Variants in EIF2D observed in about 807,000 individuals in gnomAD.
EIF2D encodes the protein hepatocellular carcinoma-associated antigen 56.
EIF2D carries 56 observed loss-of-function variants against 77.4 expected under a neutral mutation model. The ratio of observed to expected loss-of-function variants is 0.72; its 90% CI spans 0.58 to 0.90. The LOEUF (loss-of-function observed/expected upper bound fraction) is 0.90. Ranked by LOEUF, EIF2D falls within the 40% of genes least tolerant of loss-of-function variation. EIF2D has a pLI of 0.00. For synonymous variants in EIF2D, 230 were observed against 271.0 expected (o/e 0.85, Z 1.49); for missense variants, 574 against 706.5 (o/e 0.81, Z 2.13).
intron 6 of EIF2D, 151 bp from the exon 7 acceptor site, chr1:206,602,604 C>G (rs782356671): frequency 1.4e-6 from 1 of 711,216 alleles, no homozygotes; most frequent in African/African-American, 1.8e-5. Flanking sequence ...CTCTTGAGCA[C>G]TGAGCCTTTA....
chr1:206,609,630 G>GA (rs1670373606), intron 2 of EIF2D, among the ~76,000 whole-genome samples, 171 bp from the exon 3 acceptor site: 2 of 152,166 alleles, frequency 1.3e-5, no homozygotes, highest in Admixed American at 6.5e-5. Context: ...TTTGAGGAAG[G>GA]AAAAAACCTA....
chr1:206,583,621 T>G (rs1319048487), intron 2 of EIF2D: 2 of 488,408 alleles, frequency 4.1e-6, no homozygotes, highest in African/African-American at 3.9e-5. Flanking sequence ...CTCTTTTAAC[T>G]CCTCCTCTGA....
chr1:206,587,049 C>T (rs782152765), downstream of EIF2D: 5 of 1,556,800 alleles, frequency 3.2e-6, no homozygotes, highest in African/African-American at 5.5e-5. Context: ...TTGCAACAGA[C>T]ACTTTTTCTC....
chr1:206,593,502 A>AGTGTGTGTGTGT (rs1433622439), intron 14 of EIF2D, 117 bp downstream of exon 14: 3 of 428,076 alleles, frequency 7.0e-6, no homozygotes, highest in African/African-American at 8.4e-5. Flanking sequence ...AGAGAGAGAG[A>AGTGTGTGTGTGT]GAGAGAGTGT....
At chr1:206,608,425 C>T (rs1487854277) in intron 3 of EIF2D, 99 bp from the exon 4 acceptor site, 2 of 924,232 alleles carry the variant, frequency 2.2e-6, no homozygotes, top group African/African-American at 1.7e-5. Context: ...AAAATAGTTA[C>T]TAGGTATCAA....
rs534778869 is a variant in EIF2D, at chr1:206,584,838, C to T, written c.139-3676G>A. ...ATGTGGTGTTCAGATCTGTGGAATC[C>T]GGGCAGGGAGGCAAGAGCAGAGTCC... On this transcript the variant is annotated intron_variant and NMD_transcript_variant, in intron 2 of 5. Coordinates refer to the EIF2D transcript ENST00000472709. This position sits in a 1 kb window ranked among gnomAD's most constrained non-coding sequence, Gnocchi z 4.9. The T allele has an allele frequency of 2.0e-4, 160 of 794,998 alleles. 1 individual carries two copies. In the South Asian group the frequency reaches 2.4e-3, roughly 12 times the overall value. The allele number at this position is 794,998 out of a possible 1,614,324, so 49.2% of individuals were successfully genotyped here.
At chr1:206,580,539 T>C (rs1241402126) in intron 4 of EIF2D, among the ~76,000 whole-genome samples, 2 of 152,120 alleles carry the variant, frequency 1.3e-5, no homozygotes, top group Non-Finnish European at 2.9e-5. Flanking sequence ...CATAGACATG[T>C]GCTCAGCTGG....
chr1:206,602,286 C>T, intron 7 of EIF2D, 50 bp downstream of exon 7: 3 of 1,476,138 alleles, frequency 2.0e-6, no homozygotes, highest in Non-Finnish European at 9.5e-7. Context: ...CCAAGGAGCA[C>T]ACGTGAGACC....
intron 4 of EIF2D, among the ~76,000 whole-genome samples, chr1:206,575,770 G>C (rs1422938070): frequency 1.3e-5 from 2 of 152,226 alleles, no homozygotes; most frequent in African/African-American, 4.8e-5. Context: ...GGCCCTGAGA[G>C]GGGAAGTAGC....
At chr1:206,605,363 C>T (rs782548934) in intron 5 of EIF2D, 37 bp downstream of exon 5, 85 of 1,571,306 alleles carry the variant, frequency 5.4e-5, no homozygotes, top group Non-Finnish European at 7.2e-5. Context: ...CCCAGCTGCC[C>T]CGGTTCTCTG....
At chr1:206,582,475 G>T (rs572936591) in intron 2 of EIF2D, among the ~76,000 whole-genome samples, 1 of 152,170 alleles carries the variant, frequency 6.6e-6, no homozygotes, top group Non-Finnish European at 1.5e-5. Flanking sequence ...GTAAGATGGG[G>T]TAATAAACTA....
intron 13 of EIF2D, 182 bp from the exon 14 acceptor site, chr1:206,593,975 T>C (rs2102276367): frequency 1.9e-6 from 1 of 514,306 alleles, no homozygotes; most frequent in Non-Finnish European, 3.4e-6. Flanking sequence ...TGATTCTGTC[T>C]ACCCCATCCA....
At position 206,599,116 on chromosome 1, in the gene EIF2D, G is replaced by C. The variant is rs1553410755; in HGVS notation, c.1203-24C>G. On this transcript the variant is annotated intron_variant, in intron 10 of 14. Coordinates refer to ENST00000271764, the MANE Select transcript of EIF2D (RefSeq NM_006893.3). The surrounding 1 kb of genome is among the most constrained non-coding windows in gnomAD (Gnocchi z 4.1). Reference sequence around the variant, plus strand: ...TCCTAGGTGAGGAGAAGTGACCCAGGGGTTAGTTCATGCTGTGCCATGAGA... The same window carrying C: ...TCCTAGGTGAGGAGAAGTGACCCAGCGGTTAGTTCATGCTGTGCCATGAGA... The C allele has an allele frequency of 6.2e-7, 1 of 1,610,776 alleles. No homozygotes were observed. Among genetic ancestry groups the C allele is most frequent in the Non-Finnish European group, 8.5e-7 (1 of 1,177,282 alleles).
chr1:206,587,231 C>G (rs782667984), downstream of EIF2D: 47 of 442,562 alleles, frequency 1.1e-4, no homozygotes, highest in Admixed American at 5.9e-4. Context: ...AGCTGACGTC[C>G]TCTCTCGATC....
chr1:206,581,920 C>T (rs187858838), intron 2 of EIF2D, among the ~76,000 whole-genome samples: 1,799 of 152,042 alleles, frequency 0.012, 42 homozygotes, highest in African/African-American at 0.041. Flanking sequence ...GGTGATGTGA[C>T]GTCGCGGCAG....
intron 2 of EIF2D, among the ~76,000 whole-genome samples, chr1:206,610,292 G>A (rs1157130528): frequency 2.6e-5 from 4 of 152,230 alleles, no homozygotes; most frequent in African/African-American, 9.6e-5. Context: ...ACTGAGGCAG[G>A]AAAATCACTT....
chr1:206,593,513 GT>G (rs2102275202), intron 14 of EIF2D, 105 bp downstream of exon 14: 3 of 657,512 alleles, frequency 4.6e-6, no homozygotes, highest in Non-Finnish European at 5.0e-6. Flanking sequence ...GAGAGAGTGT[GT>G]GTGTGTGTGT....
At chr1:206,587,071 G>T, downstream of EIF2D, 1 of 1,481,626 alleles carries the variant, frequency 6.7e-7, no homozygotes, top group South Asian at 1.2e-5. Flanking sequence ...GGACATCTCT[G>T]GCAGGTGCAT....
chr1:206,585,197 T>C (rs1669062513), intron 2 of EIF2D: 3 of 1,613,890 alleles, frequency 1.9e-6, no homozygotes, highest in Admixed American at 3.3e-5. Flanking sequence ...CCAGAAACTC[T>C]CCATTGCTGA....
Sources: allele counts gnomAD v4.1 joint callset (sites outside exome capture counted in the v4.1 genomes callset), GRCh38; gene constraint gnomAD v4.1.1; non-coding constraint Gnocchi (gnomAD v3.1); transcripts MANE v1.5; gene names NCBI Gene and HGNC (gene_info 2026-07-23, HGNC 2026-07-21).